PPM1D: variants seen among roughly 807,000 people sequenced by gnomAD.
PPM1D encodes protein phosphatase 1D.
Under a neutral mutation model 58.3 loss-of-function variants are expected in PPM1D, and 52 were observed. The ratio of observed to expected loss-of-function variants is 0.89; its 90% CI spans 0.71 to 1.12. The LOEUF (loss-of-function observed/expected upper bound fraction) is 1.12. Ranked by LOEUF, PPM1D falls within the 50% of genes most tolerant of loss-of-function variation. PPM1D has a pLI of 0.00. For synonymous variants in PPM1D, 278 were observed against 285.1 expected (o/e 0.98, Z 0.25); for missense variants, 564 against 777.2 (o/e 0.73, Z 3.26).
chr17:60,633,795 T>C, intron 2 of PPM1D, 58 bp from the exon 3 acceptor site: 1 of 1,428,922 alleles, frequency 7.0e-7, no homozygotes, highest in Non-Finnish European at 9.6e-7. Flanking sequence ...TATACTGAGC[T>C]ATCTTAGTTG....
chr17:60,649,359 G>A (rs1373836030), intron 4 of PPM1D, among the ~76,000 whole-genome samples: 2 of 152,140 alleles, frequency 1.3e-5, no homozygotes. Context: ...ATTTTGAGGT[G>A]GAAGGAGGGG....
At position 60,623,502 on chromosome 17, in the gene PPM1D, A is replaced by AT; in HGVS notation, c.473-15dup. On this transcript the variant is annotated intron_variant, in intron 1 of 5. Coordinates refer to ENST00000305921, the MANE Select transcript of PPM1D (RefSeq NM_003620.4). ...ATGTTTATACTTGCAAGAGTGAAAT[A>AT]TTTTATTTCTTATTACAGCGGAATG... 6.3e-7 allele frequency: 1 copy of AT among 1,592,442 alleles called. No individual in the cohort carries two copies. The highest frequency in any genetic ancestry group is 8.6e-7 in the Non-Finnish European group (1 of 1,165,666).
chr17:60,606,508 A>G (rs77390319), intron 1 of PPM1D, among the ~76,000 whole-genome samples: 6,431 of 152,160 alleles, frequency 0.042, 366 homozygotes, highest in African/African-American at 0.13. Context: ...TTACATTCCT[A>G]CCAGCAAGGT....
intron 3 of PPM1D, among the ~76,000 whole-genome samples, chr17:60,641,901 T>C (rs1035981257): frequency 6.6e-6 from 1 of 152,062 alleles, no homozygotes; most frequent in African/African-American, 2.4e-5. Flanking sequence ...AAGCAGAAAA[T>C]ATACTGGAAC....
At chr17:60,626,682 C>T (rs2143660958) in intron 2 of PPM1D, among the ~76,000 whole-genome samples, 1 of 152,170 alleles carries the variant, frequency 6.6e-6, no homozygotes, top group Non-Finnish European at 1.5e-5. Context: ...GCGTGAGCCA[C>T]TGCACCCGGC....
At chr17:60,626,869 C>G (rs2030821071) in intron 2 of PPM1D, among the ~76,000 whole-genome samples, 2 of 152,052 alleles carry the variant, frequency 1.3e-5, no homozygotes, top group South Asian at 4.1e-4. Context: ...TTGAATTTAT[C>G]TTATGAGAAA....
chr17:60,649,754 C>T (rs1330446514), intron 4 of PPM1D, among the ~76,000 whole-genome samples: 2 of 152,034 alleles, frequency 1.3e-5, no homozygotes, highest in African/African-American at 4.8e-5. Context: ...ACAGGGATTG[C>T]AAAGGTAAAT....
Position 60,600,335 on chromosome 17 carries a change from G to T in PPM1D, c.-80G>T. On this transcript the variant is annotated 5_prime_UTR_variant, in exon 1 of 6. Transcript: ENST00000305921. Reference sequence around the variant, plus strand: ...GCGTCGTCGAAGATAAACAATAGTTGGCCGGCGAGCGCCTAGTGTGTCTCC... The same window carrying T: ...GCGTCGTCGAAGATAAACAATAGTTTGCCGGCGAGCGCCTAGTGTGTCTCC... 1 of 1,506,672 alleles carries T rather than the reference G, an allele frequency of 6.6e-7. No homozygotes were observed. The allele number at this position is 1,506,672 out of a possible 1,614,324, so 93.3% of individuals were successfully genotyped here. A position where few individuals can be genotyped will look rare whatever the true frequency, so the allele number is the denominator to read the frequency against.
At chr17:60,652,328 A>G (rs1012638335) in intron 4 of PPM1D, among the ~76,000 whole-genome samples, 5 of 151,976 alleles carry the variant, frequency 3.3e-5, no homozygotes, top group Non-Finnish European at 7.4e-5. Context: ...ATTCTTTTCT[A>G]TGGCCGAATA....
intron 5 of PPM1D, among the ~76,000 whole-genome samples, chr17:60,659,308 ACAGT>A (rs1183232015): frequency 6.6e-6 from 1 of 152,248 alleles, no homozygotes; most frequent in African/African-American, 2.4e-5. Flanking sequence ...TTAATGTTGA[ACAGT>A]CAGAGACTTA....
intron 1 of PPM1D, among the ~76,000 whole-genome samples, chr17:60,614,382 A>G (rs1038051032): frequency 6.6e-6 from 1 of 151,824 alleles, no homozygotes; most frequent in Non-Finnish European, 1.5e-5. Flanking sequence ...TGTCTGGCTA[A>G]TCTAGTGGGG....
intron 3 of PPM1D, among the ~76,000 whole-genome samples, chr17:60,646,541 TA>T (rs1231018112): frequency 3.3e-5 from 5 of 152,218 alleles, no homozygotes; most frequent in Non-Finnish European, 7.3e-5. Flanking sequence ...AGGCAGAAAT[TA>T]ATGTTTTCTC....
chr17:60,614,758 G>A (rs1022852165), intron 1 of PPM1D, among the ~76,000 whole-genome samples: 2 of 152,046 alleles, frequency 1.3e-5, no homozygotes, highest in African/African-American at 4.8e-5. Context: ...CTCCAGACGC[G>A]CAGCATTAAA....
At chr17:60,657,688 A>G (rs2031464353) in intron 5 of PPM1D, among the ~76,000 whole-genome samples, 1 of 152,164 alleles carries the variant, frequency 6.6e-6, no homozygotes, top group Non-Finnish European at 1.5e-5. Flanking sequence ...CTTTACATAC[A>G]TATGGCAAAA....
chr17:60,634,435 A>G (rs2030984961), intron 3 of PPM1D, among the ~76,000 whole-genome samples: 1 of 152,174 alleles, frequency 6.6e-6, no homozygotes, highest in South Asian at 2.1e-4. Context: ...GTTTAGGTAT[A>G]TAATTCACTG....
chr17:60,642,824 T>G (rs1033458891), intron 3 of PPM1D, among the ~76,000 whole-genome samples: 1 of 152,032 alleles, frequency 6.6e-6, no homozygotes, highest in African/African-American at 2.4e-5. Flanking sequence ...CCCAGCACTT[T>G]GGAAGGCCGA....
In PPM1D at chr17:60,663,141, A is replaced by C; in HGVS notation, c.1407A>C (p.Lys469Asn). 5 of 1,614,198 alleles carry C rather than the reference A, an allele frequency of 3.1e-6. No homozygotes were observed. In the East Asian group the frequency reaches 8.9e-5, roughly 29 times the overall value. The change falls in exon 6 of 6, where the codon AAA becomes AAC. Residue 469 changes from lysine to asparagine, a missense_variant. Lys to Asn is a moderately conservative substitution (Grantham distance 94). Coordinates refer to ENST00000305921, the MANE Select transcript of PPM1D (RefSeq NM_003620.4). ...TCCAAGGTGTAGTCATACCCTCAAA[A>C]GATCCAGAACCACTTGAAGAAAATT... ...ENVQGVVIPSKDPEPLEENCA... is the reference protein window; with the variant it reads ...ENVQGVVIPSNDPEPLEENCA...
chr17:60,607,376 G>T (rs527393652), intron 1 of PPM1D, among the ~76,000 whole-genome samples: 2 of 151,970 alleles, frequency 1.3e-5, no homozygotes, highest in African/African-American at 4.8e-5. Flanking sequence ...TCCACCTCCC[G>T]GGTTCAAGCG....
intron 2 of PPM1D, among the ~76,000 whole-genome samples, chr17:60,628,893 T>A (rs2030865492): frequency 1.3e-5 from 2 of 152,194 alleles, no homozygotes; most frequent in Non-Finnish European, 2.9e-5. Context: ...TTTCATCATC[T>A]TTTATATTTT....
Sources: gnomAD v4.1 joint callset for allele counts (sites outside exome capture counted in the v4.1 genomes callset) on GRCh38, gnomAD v4.1.1 for gene constraint, MANE v1.5 for transcripts, NCBI Gene and HGNC (gene_info 2026-07-23, HGNC 2026-07-21) for gene names.